Variants in RAB33B observed in about 807,000 individuals in gnomAD.
RAB33B encodes RAB33B, member RAS oncogene family.
RAB33B carries 6 observed loss-of-function variants against 15.0 expected under a neutral mutation model. The observed-to-expected ratio is 0.40, with a 90% confidence interval of 0.22 to 0.79. The LOEUF (loss-of-function observed/expected upper bound fraction) is 0.79, where lower values mean the gene tolerates loss of function less well. RAB33B is among the 30% of genes least tolerant of loss of function. RAB33B has a pLI of 0.37. For missense variants in RAB33B, 257 were observed against 296.4 expected (o/e 0.87, Z 0.98); for synonymous variants, 117 against 108.3 (o/e 1.08, Z -0.50).
chr4:139,461,402 T>TA (rs766051791), intron 1 of RAB33B, among the ~76,000 whole-genome samples: 103 of 152,212 alleles, frequency 6.8e-4, no homozygotes, highest in Non-Finnish European at 1.1e-3. Flanking sequence ...CCTTAAGACT[T>TA]ACTCGTTTTG....
Position 139,473,035 on chromosome 4 carries a change from A to G in RAB33B, c.599A>G (p.Lys200Arg). The G allele has an allele frequency of 6.2e-7, 1 of 1,614,100 alleles. No homozygotes were observed. Among genetic ancestry groups the G allele is most frequent in the East Asian group, 2.2e-5 (1 of 44,890 alleles). The change falls in exon 2 of 2, where the codon AAG (lysine) becomes AGG (arginine). Residue 200 changes from lysine (K) to arginine (R), a missense_variant. Coordinates refer to ENST00000305626, the MANE Select transcript of RAB33B (RefSeq NM_031296.3). ...AIFMTLAHKL[K>R]SHKPLMLSQP... ...TTTATGACCTTGGCTCATAAGCTTA[A>G]GAGCCACAAACCATTAATGCTTAGT...
At chr4:139,454,494 C>T in intron 1 of RAB33B, 50 bp downstream of exon 1, 2 of 1,579,532 alleles carry the variant, frequency 1.3e-6, no homozygotes, top group South Asian at 1.1e-5. Context: ...GGTGTCCCAA[C>T]CCCACCGTGG....
In RAB33B at chr4:139,473,765, CA is replaced by C. The variant is rs1750444133; in HGVS notation, c.*640del. 1 of 152,084 alleles carries C rather than the reference CA, an allele frequency of 6.6e-6. No homozygotes were observed. The highest frequency in any genetic ancestry group is 1.5e-5 in the Non-Finnish European group (1 of 68,026). 9.4% of individuals were successfully genotyped at this position (152,084 alleles called of 1,614,324 possible). On this transcript the variant is annotated 3_prime_UTR_variant, in exon 2 of 2. Transcript: ENST00000305626. Reference sequence around the variant, plus strand: ...CTTTAGTTCCAGTGGGATAAGAAGGCATAGAATGTTTTCTGGTTCCCAGTCC... The same window carrying C: ...CTTTAGTTCCAGTGGGATAAGAAGGCTAGAATGTTTTCTGGTTCCCAGTCC...
At chr4:139,456,787 T>C (rs1253113716) in intron 1 of RAB33B, among the ~76,000 whole-genome samples, 1 of 152,250 alleles carries the variant, frequency 6.6e-6, no homozygotes, top group Non-Finnish European at 1.5e-5. Context: ...GGAAAAGATA[T>C]AGCTATGTTG....
the RAB33B span, among the ~76,000 whole-genome samples, chr4:139,442,983 G>A: frequency 1.3e-5 from 2 of 151,314 alleles, no homozygotes; most frequent in Non-Finnish European, 2.9e-5. Context: ...AACACTGATA[G>A]TCGCTGGCAT....
chr4:139,439,715 A>G, the RAB33B span, among the ~76,000 whole-genome samples: 2 of 151,930 alleles, frequency 1.3e-5, no homozygotes, highest in African/African-American at 4.8e-5. Flanking sequence ...ACATTTCTTC[A>G]ATCTCTTTTC....
At chr4:139,454,631 T>C (rs1750027576) in intron 1 of RAB33B, among the ~76,000 whole-genome samples, 187 bp downstream of exon 1, 1 of 152,212 alleles carries the variant, frequency 6.6e-6, no homozygotes, top group South Asian at 2.1e-4. Context: ...TCAGACTTCA[T>C]TGTGCATGCG....
At chr4:139,471,062 A>G (rs1750379398) in intron 1 of RAB33B, among the ~76,000 whole-genome samples, 1 of 152,118 alleles carries the variant, frequency 6.6e-6, no homozygotes, top group Non-Finnish European at 1.5e-5. Context: ...GAGTCTCAGT[A>G]TGTCTCCTGT....
At chr4:139,468,539 T>C (rs1750333194) in intron 1 of RAB33B, among the ~76,000 whole-genome samples, 1 of 152,248 alleles carries the variant, frequency 6.6e-6, no homozygotes, top group Non-Finnish European at 1.5e-5. Flanking sequence ...ATCGTAGTTA[T>C]TATTTTTGAT....
the RAB33B span, among the ~76,000 whole-genome samples, chr4:139,443,253 A>G: frequency 6.6e-6 from 1 of 152,074 alleles, no homozygotes; most frequent in Admixed American, 6.5e-5. Context: ...CGGCCTCCCA[A>G]AGTGCTGCGA....
Position 139,454,319 on chromosome 4 carries a change from T to G in RAB33B, c.124T>G (p.Ser42Ala), listed in dbSNP as rs1224161471. 2 of 1,614,132 alleles carry G rather than the reference T, an allele frequency of 1.2e-6. 1 individual carries two copies. The highest frequency in any genetic ancestry group is 2.2e-5 in the South Asian group (2 of 91,080). The change falls in exon 1 of 2, where the codon TCC (serine) becomes GCC (alanine). Residue 42 changes from serine to alanine, a missense_variant. Ser to Ala is a moderately conservative substitution (Grantham distance 99, BLOSUM62 1). Coordinates refer to ENST00000305626, the MANE Select transcript of RAB33B (RefSeq NM_031296.3). Reference protein sequence around the residue: ...RIFKIIVIGDSNVGKTCLTYR... With the variant: ...RIFKIIVIGDANVGKTCLTYR... ...CTTCAAGATAATCGTGATCGGCGACTCCAATGTGGGCAAGACATGCCTGAC... is the reference window on the plus strand; with the variant it reads ...CTTCAAGATAATCGTGATCGGCGACGCCAATGTGGGCAAGACATGCCTGAC...
chr4:139,445,131 G>A, the RAB33B span, among the ~76,000 whole-genome samples: 1 of 152,238 alleles, frequency 6.6e-6, no homozygotes, highest in South Asian at 2.1e-4. Context: ...TTCACTGCTT[G>A]AGCAAATTAA....
the RAB33B span, among the ~76,000 whole-genome samples, chr4:139,439,720 C>CT: frequency 4.6e-5 from 7 of 152,130 alleles, no homozygotes; most frequent in Admixed American, 3.3e-4. Flanking sequence ...TCTTCAATCT[C>CT]TTTTCTTTCT....
At position 139,476,013 on chromosome 4, in the gene RAB33B, C is replaced by G. The variant is rs1178621649; in HGVS notation, c.*2887C>G. 6.6e-6 allele frequency: 1 copy of G among 152,014 alleles called. No homozygotes were observed. The highest frequency in any genetic ancestry group is 2.4e-5 in the African/African-American group (1 of 41,370). 9.4% of individuals were successfully genotyped at this position (152,014 alleles called of 1,614,324 possible). A position where few individuals can be genotyped will look rare whatever the true frequency, so the allele number is the denominator to read the frequency against. On this transcript the variant is annotated 3_prime_UTR_variant, in exon 2 of 2. Transcript: ENST00000305626. ...TCCAGATAATATTATATATATGATA[C>G]ACTTTTGAAAACAACAAAAAGCCCC...
At chr4:139,447,410 G>T in the RAB33B span, among the ~76,000 whole-genome samples, 4 of 152,134 alleles carry the variant, frequency 2.6e-5, no homozygotes, top group Admixed American at 2.6e-4. Flanking sequence ...ATCACCCTTA[G>T]AGAGTCACTA....
the RAB33B span, among the ~76,000 whole-genome samples, chr4:139,444,676 G>A: frequency 6.6e-6 from 1 of 152,156 alleles, no homozygotes; most frequent in South Asian, 2.1e-4. Flanking sequence ...AGCTTATAAA[G>A]TTCAAGTAAT....
chr4:139,451,682 G>A (rs1331806943), upstream of RAB33B: 1 of 152,052 alleles, frequency 6.6e-6, no homozygotes, highest in Non-Finnish European at 1.5e-5. Flanking sequence ...AGGTACTACT[G>A]TGTGATTTTA....
At chr4:139,458,510 C>A (rs1180053547) in intron 1 of RAB33B, among the ~76,000 whole-genome samples, 2 of 152,118 alleles carry the variant, frequency 1.3e-5, no homozygotes, top group Admixed American at 6.5e-5. Flanking sequence ...TGTGTCCGTG[C>A]GGTATTTGGT....
At chr4:139,443,809 A>C in the RAB33B span, among the ~76,000 whole-genome samples, 4 of 152,104 alleles carry the variant, frequency 2.6e-5, no homozygotes, top group African/African-American at 7.2e-5. Flanking sequence ...CCTGACCCAC[A>C]CTGTCATCAG....
Sources: gnomAD v4.1 joint callset for allele counts (sites outside exome capture counted in the v4.1 genomes callset) on GRCh38, gnomAD v4.1.1 for gene constraint, MANE v1.5 for transcripts, NCBI Gene and HGNC (gene_info 2026-07-23, HGNC 2026-07-21) for gene names.